Variants in TJP1 observed in about 807,000 individuals in gnomAD.
TJP1 encodes tight junction protein 1.
In TJP1, 43 loss-of-function variants were observed where a neutral mutation model predicts 194.2. That is an observed-to-expected ratio of 0.22 (90% confidence interval 0.17 to 0.29). The LOEUF (loss-of-function observed/expected upper bound fraction) is 0.29, where lower values mean the gene tolerates loss of function less well. Ranked by LOEUF, TJP1 falls within the 10% of genes least tolerant of loss-of-function variation. The pLI, the probability that TJP1 is intolerant of heterozygous loss-of-function variation, is 1.00. For synonymous variants in TJP1, 801 were observed against 779.0 expected, an observed-to-expected ratio of 1.03 and a Z score of -0.47; for missense variants, 1,971 against 2,185.7, an observed-to-expected ratio of 0.90 and a Z score of 1.96.
At chr15:29,725,846 G>A (rs978114110) in intron 18 of TJP1, among the ~76,000 whole-genome samples, 6 of 152,206 alleles carry the variant, frequency 3.9e-5, no homozygotes, top group African/African-American at 7.2e-5. Flanking sequence ...GCATGAAGTC[G>A]GCTTTTTAAC....
intron 1 of TJP1, among the ~76,000 whole-genome samples, chr15:29,811,595 A>C (rs1360063948): frequency 6.6e-6 from 1 of 152,210 alleles, no homozygotes; most frequent in African/African-American, 2.4e-5. Flanking sequence ...CTGGATTTGG[A>C]ATAGTCTTTC....
chr15:29,769,617 T>C (rs376345973), intron 4 of TJP1, among the ~76,000 whole-genome samples: 1 of 152,134 alleles, frequency 6.6e-6, no homozygotes, highest in South Asian at 2.1e-4. Flanking sequence ...TCATGCACCA[T>C]GTAAAACAAC....
intron 2 of TJP1, among the ~76,000 whole-genome samples, chr15:29,797,812 T>C (rs1375347388): frequency 2.0e-5 from 3 of 152,184 alleles, no homozygotes; most frequent in Non-Finnish European, 4.4e-5. Flanking sequence ...GTCTATGTTG[T>C]ATTTTGCCGC....
intron 2 of TJP1, among the ~76,000 whole-genome samples, chr15:29,796,407 A>T (rs868826092): frequency 5.6e-4 from 5 of 8,868 alleles, no homozygotes; most frequent in Non-Finnish European, 8.7e-4. Context: ...TATTGAAATG[A>T]AAAAAAAAAA....
intron 2 of TJP1, among the ~76,000 whole-genome samples, chr15:29,911,705 C>A (rs1203206836): frequency 6.6e-6 from 1 of 152,192 alleles, no homozygotes; most frequent in African/African-American, 2.4e-5. Context: ...TCCTCCAACA[C>A]TGTGGATTAT....
In TJP1 at chr15:29,719,832, T is replaced by C. The variant is rs745509916; in HGVS notation, c.2948A>G (p.His983Arg). 2 of 1,614,220 alleles carry C rather than the reference T, an allele frequency of 1.2e-6. No homozygotes were observed. Among genetic ancestry groups the C allele is most frequent in the Non-Finnish European group, 8.5e-7 (1 of 1,180,018 alleles). ...TGGTTCTTGATCTCTTAGCATTATG[T>C]GAGCTGCCTCAGTACTTGGTGTTCT... The part of the protein sequence containing the change: ...SLRTPSTEAA[H>R]IMLRDQEPSL... The change falls in exon 20 of 28, where the codon CAC becomes CGC. Residue 983 changes from histidine (H) to arginine (R), a missense_variant. Around this residue, in one of 5 missense-constraint regions of TJP1, gnomAD observed 1,108 missense variants for 1,128.5 expected, o/e 0.98. Coordinates refer to ENST00000614355, the MANE Select transcript of TJP1 (RefSeq NM_001330239.4).
intron 2 of TJP1, among the ~76,000 whole-genome samples, chr15:29,891,839 G>A (rs1445396304): frequency 6.6e-6 from 1 of 152,140 alleles, no homozygotes; most frequent in Non-Finnish European, 1.5e-5. Context: ...TATTCCCTGA[G>A]ATACAACATT....
chr15:29,742,580 C>T, intron 9 of TJP1, 62 bp downstream of exon 9: 1 of 1,441,388 alleles, frequency 6.9e-7, no homozygotes, highest in Non-Finnish European at 9.2e-7. Flanking sequence ...TTCTGTAAAT[C>T]CTAACAATTA....
At chr15:29,868,160 GT>G (rs762619490) in intron 2 of TJP1, among the ~76,000 whole-genome samples, 1 of 151,940 alleles carries the variant, frequency 6.6e-6, no homozygotes, top group Non-Finnish European at 1.5e-5. Flanking sequence ...TAAGTTCAAA[GT>G]TATAGTCATG....
At chr15:29,798,270 GTTT>G (rs59427685) in intron 2 of TJP1, among the ~76,000 whole-genome samples, 40 of 144,758 alleles carry the variant, frequency 2.8e-4, no homozygotes, top group East Asian at 1.0e-3. Flanking sequence ...TGTGCCCAGC[GTTT>G]TTTTTTTTTT....
intron 1 of TJP1, among the ~76,000 whole-genome samples, chr15:29,958,696 T>C (rs17762363): frequency 0.096 from 14,537 of 152,148 alleles, 828 homozygotes; most frequent in South Asian, 0.16. Context: ...TATTTTCCTA[T>C]CAACACCTAG....
At chr15:29,837,799 T>C (rs1316627178) in intron 2 of TJP1, among the ~76,000 whole-genome samples, 1 of 152,204 alleles carries the variant, frequency 6.6e-6, no homozygotes, top group East Asian at 1.9e-4. Context: ...CCAATAACAC[T>C]TCTTTGAACT....
chr15:29,734,338 G>C lies in TJP1; in HGVS notation c.1452C>G (p.Val484=), dbSNP rs1449000321. ...CTTTAGGGAGGTCAAGCAGGAAAAG[G>C]ACGGCTTCTTCTCTTATGATATTTG... The part of the protein sequence containing the change: ...DFTNIIREEA[V]LFLLDLPKGE... The change falls in exon 12 of 28, where the codon GTC becomes GTG. Residue 484 remains valine (V), a synonymous_variant. Transcript: ENST00000614355. 1 of 1,613,208 alleles carries C rather than the reference G, an allele frequency of 6.2e-7. No homozygotes were observed. The highest frequency in any genetic ancestry group is 8.5e-7 in the Non-Finnish European group (1 of 1,179,828).
chr15:29,734,167 T>C, intron 12 of TJP1, 107 bp downstream of exon 12: 1 of 698,806 alleles, frequency 1.4e-6, no homozygotes, highest in East Asian at 2.8e-5. Context: ...AACAAATTCA[T>C]TCATCACTCA....
intron 2 of TJP1, among the ~76,000 whole-genome samples, chr15:29,832,801 G>A (rs772752917): frequency 3.9e-5 from 6 of 152,186 alleles, no homozygotes; most frequent in African/African-American, 1.2e-4. Context: ...TGGCTTTGCC[G>A]CTGGTCAACT....
intron 2 of TJP1, among the ~76,000 whole-genome samples, chr15:29,887,309 T>C (rs1392522856): frequency 6.7e-6 from 1 of 148,770 alleles, no homozygotes; most frequent in Non-Finnish European, 1.5e-5. Context: ...TATATGTATA[T>C]ATATTTTTTG....
intron 2 of TJP1, among the ~76,000 whole-genome samples, chr15:29,850,544 C>G (rs1337051577): frequency 6.6e-6 from 1 of 151,898 alleles, no homozygotes; most frequent in South Asian, 2.1e-4. Flanking sequence ...ATCATGTTGG[C>G]CAGGCTGGTC....
chr15:29,858,583 A>C lies in TJP1; in HGVS notation c.307-57881T>G, dbSNP rs547132703. 4.6e-5 allele frequency among the ~76,000 whole-genome samples: 7 copies of C among 152,162 alleles called. No homozygotes were observed. In the East Asian group the frequency reaches 1.2e-3, roughly 25 times the overall value. On this transcript the variant is annotated intron_variant, in intron 2 of 28. Transcript: ENST00000356107. ...TTTTGAGACAGGGTCTCACTCTGTC[A>C]ATCAGGCTGGAGTACAGTGCCACAA...
At chr15:29,915,046 T>C (rs2054142630) in intron 2 of TJP1, among the ~76,000 whole-genome samples, 1 of 152,060 alleles carries the variant, frequency 6.6e-6, no homozygotes, top group Non-Finnish European at 1.5e-5. Flanking sequence ...ATGATGGAGG[T>C]AGACTGCTAA....
Sources: gnomAD v4.1 joint callset for allele counts (sites outside exome capture counted in the v4.1 genomes callset) on GRCh38, gnomAD v4.1.1 for gene constraint, gnomAD v4.1.1 regional missense constraint, MANE v1.5 for transcripts, NCBI Gene and HGNC (gene_info 2026-07-23, HGNC 2026-07-21) for gene names.